Variants in TRAPPC8 observed in about 807,000 individuals in gnomAD.
TRAPPC8 encodes the protein general sporulation gene 1 homolog.
TRAPPC8 carries 54 observed loss-of-function variants against 174.3 expected under a neutral mutation model. The observed-to-expected ratio is 0.31, with a 90% CI of 0.25 to 0.39. The LOEUF is 0.39. Among genes scored for constraint, TRAPPC8 ranks in the 10% least tolerant of loss-of-function variants. The pLI is 1.00. For synonymous variants in TRAPPC8, 630 were observed against 579.9 expected (o/e 1.09, Z -1.24); for missense variants, 1,531 against 1,699.1 (o/e 0.90, Z 1.74).
intron 18 of TRAPPC8, among the ~76,000 whole-genome samples, chr18:31,866,170 G>A (rs74616060): frequency 0.022 from 3,389 of 152,132 alleles, 116 homozygotes; most frequent in African/African-American, 0.076. Flanking sequence ...ATTAAAATGA[G>A]CCAGAAGTAG....
At chr18:31,918,743 TTGTA>T (rs1232267117) in intron 2 of TRAPPC8, among the ~76,000 whole-genome samples, 1 of 152,242 alleles carries the variant, frequency 6.6e-6, no homozygotes, top group East Asian at 1.9e-4. Flanking sequence ...TTTTCATTGT[TTGTA>T]TAAATGTATA....
At chr18:31,907,316 G>T in intron 9 of TRAPPC8, 144 bp downstream of exon 9, 1 of 723,880 alleles carries the variant, frequency 1.4e-6, no homozygotes, top group Non-Finnish European at 2.0e-6. Context: ...CATCAACTCA[G>T]CATTAAGGAA....
intron 9 of TRAPPC8, among the ~76,000 whole-genome samples, chr18:31,904,129 T>TG (rs1249982705): frequency 4.7e-5 from 7 of 150,128 alleles, no homozygotes; most frequent in Non-Finnish European, 1.0e-4. Flanking sequence ...CCAGCTACTG[T>TG]GGGGGGCTGA....
intron 12 of TRAPPC8, among the ~76,000 whole-genome samples, chr18:31,878,761 A>G (rs1006711990): frequency 1.3e-5 from 2 of 152,220 alleles, no homozygotes; most frequent in African/African-American, 4.8e-5. Context: ...CCACAGGCTC[A>G]AAGTCAAGGG....
At position 31,830,943 on chromosome 18, in the gene TRAPPC8, T is replaced by A. The variant is rs201401595; in HGVS notation, c.4120A>T (p.Thr1374Ser). 3 of 1,614,166 alleles carry A rather than the reference T, an allele frequency of 1.9e-6. No individual in the cohort carries two copies. Among genetic ancestry groups the A allele is most frequent in the Non-Finnish European group, 2.5e-6 (3 of 1,180,024 alleles). The stretch of plus-strand genomic sequence containing the variant: ...CTTTTAAGTTGAAGTTTATACTGTG[T>A]TTGTCCAAGCCATGTGAATGATCCA... ...IHGSFTWLGQ[T>S]QYKLQLKSQE... The change falls in exon 29 of 29, where the codon ACA (threonine) becomes TCA (serine). Residue 1374 changes from threonine (T) to serine (S), a missense_variant. Transcript: ENST00000283351.
intron 21 of TRAPPC8, among the ~76,000 whole-genome samples, chr18:31,854,151 CTA>C (rs1408471800): frequency 3.3e-5 from 5 of 152,154 alleles, no homozygotes; most frequent in Non-Finnish European, 2.9e-5. Context: ...GTATTTTTGA[CTA>C]TAATGCATAC....
chr18:31,856,369 T>C (rs2034011566), intron 20 of TRAPPC8, among the ~76,000 whole-genome samples: 2 of 152,102 alleles, frequency 1.3e-5, no homozygotes, highest in Non-Finnish European at 2.9e-5. Flanking sequence ...GTGCTGTACT[T>C]TGGTGATCTC....
intron 19 of TRAPPC8, among the ~76,000 whole-genome samples, chr18:31,862,070 G>A (rs2034357180): frequency 6.6e-6 from 1 of 151,920 alleles, no homozygotes; most frequent in Admixed American, 6.6e-5. Flanking sequence ...CCATCTGAAA[G>A]TAAGCTCTAA....
intron 9 of TRAPPC8, 38 bp from the exon 10 acceptor site, chr18:31,901,063 G>A (rs1390231216): frequency 6.5e-7 from 1 of 1,529,376 alleles, no homozygotes; most frequent in Non-Finnish European, 8.8e-7. Context: ...TTCAAAAGAA[G>A]AAACAGTCTT....
intron 1 of TRAPPC8, among the ~76,000 whole-genome samples, chr18:31,940,916 C>A (rs34011014): frequency 0.092 from 14,080 of 152,248 alleles, 660 homozygotes; most frequent in Middle Eastern, 0.15. Flanking sequence ...AACACAATGT[C>A]TTGAGTCACA....
intron 19 of TRAPPC8, among the ~76,000 whole-genome samples, chr18:31,862,912 G>A (rs184785797): frequency 5.3e-5 from 8 of 151,896 alleles, no homozygotes; most frequent in Admixed American, 2.6e-4. Context: ...AAAATTAGCC[G>A]GTGCATGCTG....
intron 25 of TRAPPC8, among the ~76,000 whole-genome samples, chr18:31,847,923 T>C (rs2033495912): frequency 6.6e-6 from 1 of 152,082 alleles, no homozygotes; most frequent in Non-Finnish European, 1.5e-5. Flanking sequence ...TTATGTCCCT[T>C]TTTCAACTGT....
chr18:31,927,819 G>A (rs961401512), intron 2 of TRAPPC8, among the ~76,000 whole-genome samples: 1 of 152,190 alleles, frequency 6.6e-6, no homozygotes, highest in Non-Finnish European at 1.5e-5. Context: ...AGCACTTTGA[G>A]AGGTGGCTGC....
intron 25 of TRAPPC8, among the ~76,000 whole-genome samples, chr18:31,849,293 G>A (rs2033579611): frequency 6.6e-6 from 1 of 151,962 alleles, no homozygotes. Flanking sequence ...GTTTGGAAAT[G>A]CCCCGAACAG....
At chr18:31,902,038 G>A (rs2036450758) in intron 9 of TRAPPC8, among the ~76,000 whole-genome samples, 1 of 152,196 alleles carries the variant, frequency 6.6e-6, no homozygotes, top group African/African-American at 2.4e-5. Context: ...GAACTGGCCG[G>A]GTGTGGTGAC....
intron 3 of TRAPPC8, 58 bp downstream of exon 3, chr18:31,917,520 T>C: frequency 1.3e-6 from 2 of 1,485,238 alleles, no homozygotes; most frequent in Non-Finnish European, 1.8e-6. Context: ...TAACTATTTC[T>C]GAGATTAATA....
chr18:31,876,261 C>T (rs1019734670), intron 12 of TRAPPC8, among the ~76,000 whole-genome samples: 3 of 151,812 alleles, frequency 2.0e-5, no homozygotes, highest in African/African-American at 4.8e-5. Context: ...AAGGCTGAGG[C>T]GGGCAGATCA....
In TRAPPC8 at chr18:31,931,369, A is replaced by C. The variant is rs779088520; in HGVS notation, c.312T>G (p.Ala104=). 2 of 1,609,998 alleles carry C rather than the reference A, an allele frequency of 1.2e-6. No homozygotes were observed. Among genetic ancestry groups the C allele is most frequent in the Non-Finnish European group, 1.7e-6 (2 of 1,178,042 alleles). The part of the protein sequence containing the change: ...SGSQPAEGLV[A]NVITAGDYDL... ...CATAATCTCCTGCTGTAATCACATT[A>C]GCTACTAATCCTTCTGCAGGCTGAC... The change falls in exon 2 of 29, where the codon GCT becomes GCG. Residue 104 remains alanine (A), a synonymous_variant. Transcript: ENST00000283351.
chr18:31,837,694 T>C (rs1214139662), intron 27 of TRAPPC8, among the ~76,000 whole-genome samples: 2 of 151,356 alleles, frequency 1.3e-5, no homozygotes, highest in African/African-American at 4.9e-5. Context: ...TGTGACTCTG[T>C]CTCAGAAAAA....
Sources: gnomAD v4.1 joint callset for allele counts (sites outside exome capture counted in the v4.1 genomes callset) on GRCh38, gnomAD v4.1.1 for gene constraint, MANE v1.5 for transcripts, NCBI Gene and HGNC (gene_info 2026-07-23, HGNC 2026-07-21) for gene names.